The following DNAH5 variants were observed in gnomAD, a reference collection of about 807,000 sequenced individuals.
The protein encoded by DNAH5 is axonemal beta dynein heavy chain 5.
Under a neutral mutation model 518.2 loss-of-function variants are expected in DNAH5, and 372 were observed. The observed-to-expected ratio is 0.72, with a 90% CI of 0.66 to 0.78. DNAH5 has a LOEUF of 0.78. DNAH5 is among the 30% of genes least tolerant of loss of function. The probability of loss-of-function intolerance (pLI) is 0.00; values close to 1 mark genes in which losing one functional copy is unlikely to be tolerated. For missense variants in DNAH5, 5,523 were observed against 5,687.0 expected, an observed-to-expected ratio of 0.97 and a Z score of 0.93; for synonymous variants, 2,039 against 2,025.9, an observed-to-expected ratio of 1.01 and a Z score of -0.17.
At chr5:13,728,734 C>T (rs1448758885) in intron 69 of DNAH5, among the ~76,000 whole-genome samples, 2 of 152,152 alleles carry the variant, frequency 1.3e-5, no homozygotes, top group Non-Finnish European at 2.9e-5. Flanking sequence ...GACATTTCCT[C>T]GTCAAAAAAA....
chr5:13,693,125 T>G (rs1425490182), intron 78 of DNAH5, among the ~76,000 whole-genome samples: 1 of 152,134 alleles, frequency 6.6e-6, no homozygotes, highest in Non-Finnish European at 1.5e-5. Context: ...ATACATTTTT[T>G]GAGGACAAGA....
intron 1 of DNAH5, among the ~76,000 whole-genome samples, chr5:13,979,147 G>A (rs777155329): frequency 6.6e-6 from 1 of 151,990 alleles, no homozygotes; most frequent in African/African-American, 2.4e-5. Flanking sequence ...AGGGCTTTCC[G>A]GCTCACTGTT....
intron 66 of DNAH5, among the ~76,000 whole-genome samples, chr5:13,736,383 G>C (rs965713886): frequency 8.6e-5 from 13 of 151,778 alleles, no homozygotes; most frequent in Admixed American, 5.9e-4. Flanking sequence ...AACAATAAAC[G>C]ACACTTTAAT....
chr5:13,845,999 A>ATTTTT, intron 31 of DNAH5, among the ~76,000 whole-genome samples: 1 of 114,122 alleles, frequency 8.8e-6, no homozygotes, highest in Non-Finnish European at 1.9e-5. Context: ...CCCAGCTAAT[A>ATTTTT]TTTTTTTTTT....
At chr5:13,702,165 AGCAGTGTAAG>A (rs61097325) in intron 76 of DNAH5, among the ~76,000 whole-genome samples, 6,097 of 152,284 alleles carry the variant, frequency 0.04, 383 homozygotes, top group African/African-American at 0.13. Flanking sequence ...CATCAGCAGC[AGCAGTGTAAG>A]GTATCTTCAA....
intron 42 of DNAH5, 78 bp downstream of exon 42, chr5:13,817,470 T>C (rs1365696581): frequency 1.4e-6 from 2 of 1,419,390 alleles, no homozygotes; most frequent in Non-Finnish European, 2.0e-6. Context: ...AATACAGTTG[T>C]TCTACTAATT....
intron 42 of DNAH5, 94 bp downstream of exon 42, chr5:13,817,454 A>G (rs1379546581): frequency 7.8e-7 from 1 of 1,287,640 alleles, no homozygotes; most frequent in Admixed American, 1.8e-5. Flanking sequence ...AAGATATTAT[A>G]CAGCAAATAC....
At chr5:13,756,613 T>C (rs1213994974) in intron 61 of DNAH5, among the ~76,000 whole-genome samples, 1 of 152,248 alleles carries the variant, frequency 6.6e-6, no homozygotes, top group Admixed American at 6.5e-5. Context: ...CCAAAGTAGA[T>C]TCTTTCAGAC....
intron 16 of DNAH5, among the ~76,000 whole-genome samples, chr5:13,892,163 C>A (rs1244046867): frequency 2.0e-5 from 3 of 152,096 alleles, no homozygotes; most frequent in Non-Finnish European, 4.4e-5. Context: ...ATAGTTCTGC[C>A]TGGTAAATTG....
Position 13,701,411 on chromosome 5 carries a change from C to T in DNAH5, c.13364G>A (p.Gly4455Asp), listed in dbSNP as rs370684795. The change falls in exon 77 of 79, where the codon GGT (glycine) becomes GAT (aspartate). Residue 4455 changes from glycine to aspartate, a missense_variant. Gly to Asp is a moderately conservative substitution (Grantham distance 94). Coordinates refer to ENST00000265104, the MANE Select transcript of DNAH5 (RefSeq NM_001369.3). The part of the protein sequence containing the change: ...KKASWISSTL[G>D]FWFTELIERN... Reference sequence around the variant, plus strand: ...TTCTATAAGTTCAGTAAACCAGAAACCCAGTGTACTAGAAATCCAAGAAGC... The same window carrying T: ...TTCTATAAGTTCAGTAAACCAGAAATCCAGTGTACTAGAAATCCAAGAAGC... 285 of 1,613,164 alleles carry T rather than the reference C, an allele frequency of 1.8e-4. 1 individual carries two copies. In the South Asian group the frequency reaches 1.9e-3, roughly 11 times the overall value.
At chr5:13,802,675 C>T (rs1758947843) in intron 47 of DNAH5, among the ~76,000 whole-genome samples, 3 of 152,134 alleles carry the variant, frequency 2.0e-5, no homozygotes, top group Admixed American at 6.5e-5. Flanking sequence ...GCAGCTGAGG[C>T]GACGGTGCAT....
intron 50 of DNAH5, among the ~76,000 whole-genome samples, chr5:13,791,370 G>A (rs1272640925): frequency 6.6e-6 from 1 of 152,138 alleles, no homozygotes; most frequent in Non-Finnish European, 1.5e-5. Flanking sequence ...TTTTCACATA[G>A]CATTCTTAGT....
In DNAH5 at chr5:13,884,702, C is replaced by T. The variant is rs928089589; in HGVS notation, c.2983+287G>A. Among the ~76,000 whole-genome samples the T allele has an allele frequency of 4.6e-5, 7 of 152,228 alleles. No individual in the cohort carries two copies. In the East Asian group the frequency reaches 5.8e-4, roughly 13 times the overall value. On this transcript the variant is annotated intron_variant, in intron 19 of 78. Transcript: ENST00000265104. ...AATACAAAAAATTAGCCAGGCGTGG[C>T]GGCGTGCGCCTATAGTCCCAGCTAC...
intron 12 of DNAH5, 126 bp downstream of exon 12, chr5:13,911,260 G>A (rs1775953923): frequency 8.1e-6 from 6 of 743,586 alleles, no homozygotes; most frequent in Middle Eastern, 2.3e-4. Flanking sequence ...ACAGGCTGAG[G>A]TTGCTATCGG....
In DNAH5 at chr5:13,814,847, C is replaced by T; in HGVS notation, c.6989-1G>A. The T allele has an allele frequency of 6.2e-7, 1 of 1,613,496 alleles. No individual in the cohort carries two copies. Among genetic ancestry groups the T allele is most frequent in the East Asian group, 2.2e-5 (1 of 44,862 alleles). The stretch of plus-strand genomic sequence containing the variant: ...TCAAGAATTATCCAGATATGTTCCC[C>T]TAGAATACCCCACCAAAGGGAAAAA... On this transcript the variant is annotated splice_acceptor_variant, in intron 42 of 78. Transcript: ENST00000265104. LOFTEE classifies it high-confidence loss of function.
chr5:13,770,711 G>A (rs555112539), intron 56 of DNAH5, 38 bp downstream of exon 56: 21 of 1,582,892 alleles, frequency 1.3e-5, no homozygotes, highest in Admixed American at 8.4e-5. Context: ...TGAGAGCCAC[G>A]GCTTTAATAT....
rs1245749140 is a variant in DNAH5 at position 13,727,516 on chromosome 5, G to C, written c.12024C>G (p.Thr4008=). Residue 4008 remains threonine, a synonymous_variant, in exon 70 of 79, where the codon ACC becomes ACG. Transcript: ENST00000265104. ...LLIRSWCPDR[T]IAQARKYIVD... is the part of the protein sequence containing the mutation. ...AATATGGACTTTTTACCTGGGCGAT[G>C]GTTCTGTCAGGACACCAGGATCTAA... The C allele has an allele frequency of 1.2e-6, 2 of 1,612,772 alleles. No homozygotes were observed. The highest frequency in any genetic ancestry group is 1.7e-6 in the Non-Finnish European group (2 of 1,179,110).
chr5:13,863,819 C>T (rs944078356), intron 28 of DNAH5, among the ~76,000 whole-genome samples: 4 of 152,164 alleles, frequency 2.6e-5, no homozygotes, highest in African/African-American at 7.2e-5. Context: ...GCCCATTGCT[C>T]GATAACATCA....
rs1205400723 is a variant in DNAH5 at position 13,900,222 on chromosome 5, T to A, written c.2243A>T (p.Asn748Ile). 2 of 1,613,776 alleles carry A rather than the reference T, an allele frequency of 1.2e-6. No homozygotes were observed. Among genetic ancestry groups the A allele is most frequent in the Admixed American group, 1.7e-5 (1 of 60,010 alleles). The change falls in exon 15 of 79, where the codon AAC becomes ATC. Residue 748 changes from asparagine (N) to isoleucine (I), a missense_variant. Asn to Ile is a moderately radical substitution (Grantham distance 149). This residue lies in a region of DNAH5 where 5,121 missense variants were observed against 5,223.3 expected (regional missense o/e 0.98). Transcript: ENST00000265104. ...LFQKRDRYKR[N>I]FSNMKMMLAE... Reference sequence around the variant, plus strand: ...GTAGTATACCTTCATGTTACTGAAGTTCCTTTTGTATCTATCTCGTTTCTG... The same window carrying A: ...GTAGTATACCTTCATGTTACTGAAGATCCTTTTGTATCTATCTCGTTTCTG...
Sources: gnomAD v4.1 joint callset for allele counts (sites outside exome capture counted in the v4.1 genomes callset) on GRCh38, gnomAD v4.1.1 for gene constraint, gnomAD v4.1.1 regional missense constraint, MANE v1.5 for transcripts, NCBI Gene and HGNC (gene_info 2026-07-23, HGNC 2026-07-21) for gene names.